Variants in EMCN observed in about 807,000 individuals in gnomAD.
The protein encoded by EMCN is MUC-14.
EMCN carries 37 observed loss-of-function variants against 38.4 expected under a neutral mutation model. The ratio of observed to expected loss-of-function variants is 0.96; its 90% confidence interval spans 0.74 to 1.27. The LOEUF (loss-of-function observed/expected upper bound fraction) is 1.27. Ranked by LOEUF, EMCN falls within the 50% of genes most tolerant of loss-of-function variation. EMCN has a pLI of 0.00. For missense variants in EMCN, 318 were observed against 302.8 expected, an observed-to-expected ratio of 1.05 and a Z score of -0.37; for synonymous variants, 95 against 100.8, an observed-to-expected ratio of 0.94 and a Z score of 0.35.
In EMCN at chr4:100,497,427, A is replaced by G. The variant is rs184169686; in HGVS notation, c.65-17388T>C. Among the ~76,000 whole-genome samples the G allele has an allele frequency of 6.3e-3, 950 of 151,878 alleles. 9 individuals carry two copies. The highest frequency in any genetic ancestry group is 0.021 in the African/African-American group (867 of 41,430). ...AGTCTCGCCCTGTCGCCCAGGCTGG[A>G]GTGCAGTAGCCCAATCTCGGCTCAC... is the stretch of plus-strand genomic sequence containing the variant. On this transcript the variant is annotated intron_variant, in intron 1 of 11. Coordinates refer to ENST00000296420, the MANE Select transcript of EMCN (RefSeq NM_016242.4).
At position 100,397,826 on chromosome 4, in the gene EMCN, T is replaced by A. The variant is rs2110201215; in HGVS notation, c.*587A>T. 1 of 152,136 alleles carries A rather than the reference T, an allele frequency of 6.6e-6. No homozygotes were observed. The highest frequency in any genetic ancestry group is 1.5e-5 in the Non-Finnish European group (1 of 67,980). 9.4% of individuals were successfully genotyped at this position (152,136 alleles called of 1,614,324 possible). A position where few individuals can be genotyped will look rare whatever the true frequency, so the allele number is the denominator to read the frequency against. Reference sequence around the variant, plus strand: ...ATTTTCACAGTCATGTTATAGTATTTTTAGAGTATTGAGTACAGTAGTTAT... The same window carrying A: ...ATTTTCACAGTCATGTTATAGTATTATTAGAGTATTGAGTACAGTAGTTAT... On this transcript the variant is annotated 3_prime_UTR_variant, in exon 12 of 12. Transcript: ENST00000296420.
rs535029545 is a variant in EMCN at position 100,469,883 on chromosome 4, T to C, written c.260-4344A>G. On this transcript the variant is annotated intron_variant, in intron 3 of 11. Coordinates refer to ENST00000296420, the MANE Select transcript of EMCN (RefSeq NM_016242.4). ...AGGATTTCTTTGGCTATTTGGGTTC[T>C]TTTTTGGTTCCATATGAATTTTTAA... is the stretch of plus-strand genomic sequence containing the variant. 9.2e-4 allele frequency among the ~76,000 whole-genome samples: 140 copies of C among 152,206 alleles called. 1 individual carries two copies. Among genetic ancestry groups the C allele is most frequent in the African/African-American group, 3.2e-3 (135 of 41,566 alleles).
At chr4:100,480,597 C>T (rs1728781838) in intron 1 of EMCN, among the ~76,000 whole-genome samples, 1 of 151,378 alleles carries the variant, frequency 6.6e-6, no homozygotes, top group South Asian at 2.1e-4. Context: ...TATATATACA[C>T]ACAAAGATAA....
chr4:100,483,488 A>C (rs1022357518), intron 1 of EMCN: 4 of 152,100 alleles, frequency 2.6e-5, no homozygotes, highest in Admixed American at 2.6e-4. Flanking sequence ...AAAATAGTTC[A>C]CTATTTTTTT....
At chr4:100,484,194 T>C (rs568036308) in intron 1 of EMCN, among the ~76,000 whole-genome samples, 1 of 152,250 alleles carries the variant, frequency 6.6e-6, no homozygotes, top group East Asian at 1.9e-4. Flanking sequence ...GATTCTGAAA[T>C]AGTTCTGTAT....
chr4:100,516,696 T>C (rs1232962426), intron 1 of EMCN, among the ~76,000 whole-genome samples: 2 of 152,156 alleles, frequency 1.3e-5, no homozygotes, highest in East Asian at 3.9e-4. Flanking sequence ...GAATTTGTAC[T>C]AAATTTACAT....
At chr4:100,482,757 A>G (rs944742956) in intron 1 of EMCN, among the ~76,000 whole-genome samples, 2 of 152,116 alleles carry the variant, frequency 1.3e-5, no homozygotes, top group Non-Finnish European at 2.9e-5. Flanking sequence ...AGGAAAGACA[A>G]TGGGAAAATG....
chr4:100,488,210 T>C (rs1275415069), intron 1 of EMCN, among the ~76,000 whole-genome samples: 1 of 152,200 alleles, frequency 6.6e-6, no homozygotes, highest in African/African-American at 2.4e-5. Context: ...AGTTACAATG[T>C]AAATATCCAT....
intron 4 of EMCN, among the ~76,000 whole-genome samples, chr4:100,451,945 T>C (rs1363102859): frequency 6.6e-6 from 1 of 152,028 alleles, no homozygotes; most frequent in African/African-American, 2.4e-5. Flanking sequence ...ATGAAGAAAC[T>C]GAGGCACTGA....
At chr4:100,450,308 T>A (rs1000649422) in intron 4 of EMCN, among the ~76,000 whole-genome samples, 1 of 151,994 alleles carries the variant, frequency 6.6e-6, no homozygotes, top group African/African-American at 2.4e-5. Flanking sequence ...TCTTATGAAA[T>A]GTAAATGAAT....
chr4:100,502,703 G>T (rs1243539355), intron 1 of EMCN, among the ~76,000 whole-genome samples: 2 of 152,134 alleles, frequency 1.3e-5, no homozygotes, highest in Non-Finnish European at 2.9e-5. Context: ...TATTATTCAC[G>T]ATGATTGCTA....
chr4:100,489,750 G>A (rs950233459), intron 1 of EMCN, among the ~76,000 whole-genome samples: 8 of 152,028 alleles, frequency 5.3e-5, no homozygotes, highest in African/African-American at 1.2e-4. Context: ...AACCAAATGC[G>A]GTATTTCTGG....
At chr4:100,422,565 A>AT (rs573145716) in intron 7 of EMCN, among the ~76,000 whole-genome samples, 1 of 151,864 alleles carries the variant, frequency 6.6e-6, no homozygotes, top group African/African-American at 2.4e-5. Flanking sequence ...CAAACAATTC[A>AT]TTTTTTGATA....
intron 5 of EMCN, among the ~76,000 whole-genome samples, chr4:100,442,718 G>A (rs748771046): frequency 6.6e-6 from 1 of 151,352 alleles, no homozygotes; most frequent in Admixed American, 6.6e-5. Context: ...TTTCTGTTTG[G>A]TTCTTTTTAT....
At chr4:100,465,291 T>C (rs930075961) in intron 4 of EMCN, 132 bp downstream of exon 4, 16 of 524,590 alleles carry the variant, frequency 3.0e-5, no homozygotes, top group Non-Finnish European at 4.4e-5. Context: ...AAATGATTGT[T>C]CTATTGGGTA....
chr4:100,503,605 G>T (rs1179143795), intron 1 of EMCN, among the ~76,000 whole-genome samples: 5 of 151,694 alleles, frequency 3.3e-5, no homozygotes, highest in Non-Finnish European at 7.4e-5. Flanking sequence ...CTAAGACAGG[G>T]TTTTGCTCTG....
At position 100,473,288 on chromosome 4, in the gene EMCN, A is replaced by G. The variant is rs180926962; in HGVS notation, c.259+1750T>C. Among the ~76,000 whole-genome samples the G allele has an allele frequency of 1.4e-3, 209 of 149,130 alleles. 1 individual carries two copies. The highest frequency in any genetic ancestry group is 4.8e-3 in the African/African-American group (196 of 41,124). On this transcript the variant is annotated intron_variant, in intron 3 of 11. Coordinates refer to ENST00000296420, the MANE Select transcript of EMCN (RefSeq NM_016242.4). Reference sequence around the variant, plus strand: ...GTGATCCACACTTCTCGGCCTCCCAAAGTGTTGGGATTACAGGTGTGAGCC... The same window carrying G: ...GTGATCCACACTTCTCGGCCTCCCAGAGTGTTGGGATTACAGGTGTGAGCC...
At chr4:100,404,963 T>G (rs1205838579) in intron 11 of EMCN, among the ~76,000 whole-genome samples, 2 of 152,148 alleles carry the variant, frequency 1.3e-5, no homozygotes, top group Non-Finnish European at 2.9e-5. Context: ...GGTATTTTAT[T>G]CTTTTTGTGG....
intron 1 of EMCN, among the ~76,000 whole-genome samples, chr4:100,497,866 G>C (rs966201521): frequency 2.0e-5 from 3 of 152,110 alleles, no homozygotes; most frequent in African/African-American, 7.2e-5. Context: ...AAATAGTATA[G>C]GAGTAAATGC....
Sources: gnomAD v4.1 joint callset for allele counts (sites outside exome capture counted in the v4.1 genomes callset) on GRCh38, gnomAD v4.1.1 for gene constraint, MANE v1.5 for transcripts, NCBI Gene and HGNC (gene_info 2026-07-23, HGNC 2026-07-21) for gene names.